GAREM1: variants seen among roughly 807,000 people sequenced by gnomAD.
GAREM1 encodes the protein GRB2-associated and regulator of MAPK protein 1.
Under a neutral mutation model 71.3 loss-of-function variants are expected in GAREM1, and 26 were observed. The ratio of observed to expected loss-of-function variants is 0.36; its 90% CI spans 0.27 to 0.51. GAREM1 has a LOEUF of 0.51. GAREM1 is among the 20% of genes least tolerant of loss of function. The probability of loss-of-function intolerance (pLI) is 0.95; values close to 1 mark genes in which losing one functional copy is unlikely to be tolerated. For synonymous variants in GAREM1, 440 were observed against 433.2 expected, an observed-to-expected ratio of 1.02 and a Z score of -0.20; for missense variants, 1,026 against 1,103.1, an observed-to-expected ratio of 0.93 and a Z score of 0.99.
chr18:32,411,033 C>T (rs2144683859), intron 1 of GAREM1, among the ~76,000 whole-genome samples: 1 of 152,288 alleles, frequency 6.6e-6, no homozygotes, highest in East Asian at 1.9e-4. Flanking sequence ...GAACTCCTGA[C>T]CTCAAGTGAT....
intron 2 of GAREM1, among the ~76,000 whole-genome samples, chr18:32,380,358 C>A (rs887049527): frequency 6.6e-6 from 1 of 151,678 alleles, no homozygotes; most frequent in Middle Eastern, 3.4e-3. Flanking sequence ...TGTCTGTAAT[C>A]CCAGCTACTT....
intron 3 of GAREM1, among the ~76,000 whole-genome samples, chr18:32,306,916 C>T (rs1173134675): frequency 6.6e-6 from 1 of 152,034 alleles, no homozygotes; most frequent in Non-Finnish European, 1.5e-5. Flanking sequence ...TCATTTCACG[C>T]AGTTAATCGA....
chr18:32,311,272 A>T (rs773929819), intron 2 of GAREM1, among the ~76,000 whole-genome samples: 11 of 152,226 alleles, frequency 7.2e-5, no homozygotes, highest in Admixed American at 4.6e-4. Context: ...ATAATACTCC[A>T]GAAACTTAAA....
At chr18:32,309,728 T>G in intron 3 of GAREM1, among the ~76,000 whole-genome samples, 1 of 150,648 alleles carries the variant, frequency 6.6e-6, no homozygotes, top group Non-Finnish European at 1.5e-5. Flanking sequence ...GTGAAATAGA[T>G]AGTCCACAAA....
chr18:32,298,496 A>C (rs900368684), intron 3 of GAREM1, among the ~76,000 whole-genome samples: 4 of 152,060 alleles, frequency 2.6e-5, no homozygotes, highest in African/African-American at 9.7e-5. Context: ...TCCTGAGAGG[A>C]AGTAATTCAA....
intron 1 of GAREM1, among the ~76,000 whole-genome samples, chr18:32,425,897 T>C (rs1424431760): frequency 6.6e-6 from 1 of 152,226 alleles, no homozygotes; most frequent in African/African-American, 2.4e-5. Context: ...TAAACTTTTC[T>C]TCAAATTAAA....
chr18:32,276,689 T>G (rs868407907), intron 4 of GAREM1, among the ~76,000 whole-genome samples: 2 of 152,132 alleles, frequency 1.3e-5, no homozygotes, highest in Non-Finnish European at 2.9e-5. Context: ...TGGGCTTAGA[T>G]GATGAAACAA....
intron 2 of GAREM1, among the ~76,000 whole-genome samples, chr18:32,316,448 CTACCT>C (rs1203585795): frequency 2.6e-5 from 4 of 152,096 alleles, no homozygotes; most frequent in Non-Finnish European, 5.9e-5. Flanking sequence ...AAACCAAATA[CTACCT>C]TACATTTCTT....
intron 2 of GAREM1, among the ~76,000 whole-genome samples, chr18:32,323,124 T>C (rs1025747092): frequency 6.6e-6 from 1 of 152,230 alleles, no homozygotes; most frequent in African/African-American, 2.4e-5. Flanking sequence ...GAAATTTTTA[T>C]GTAAATGTGT....
rs533768826 is a variant in GAREM1 at position 32,267,051 on chromosome 18, T to C, written c.*820A>G. 6.6e-6 allele frequency: 1 copy of C among 152,332 alleles called. No individual in the cohort carries two copies. Among genetic ancestry groups the C allele is most frequent in the South Asian group, 2.1e-4 (1 of 4,832 alleles). 9.4% of individuals were successfully genotyped at this position (152,332 alleles called of 1,614,324 possible). The stretch of plus-strand genomic sequence containing the variant: ...ATCTTTGGAGTCATTCTGTCCACTA[T>C]TCCTAAGAGAATCAATGTAGATAAC... On this transcript the variant is annotated 3_prime_UTR_variant, in exon 6 of 6. Transcript: ENST00000269209.
intron 1 of GAREM1, among the ~76,000 whole-genome samples, chr18:32,453,914 G>T (rs1242427396): frequency 2.6e-5 from 4 of 152,002 alleles, no homozygotes; most frequent in Non-Finnish European, 4.4e-5. Flanking sequence ...TGTTAGTGCT[G>T]GGGACACAAT....
intron 3 of GAREM1, among the ~76,000 whole-genome samples, chr18:32,298,199 G>C (rs1200880905): frequency 6.6e-6 from 1 of 152,136 alleles, no homozygotes; most frequent in African/African-American, 2.4e-5. Flanking sequence ...AGCACAATCT[G>C]TATCCCATGC....
At chr18:32,328,548 T>C (rs2047495126) in intron 2 of GAREM1, among the ~76,000 whole-genome samples, 1 of 152,226 alleles carries the variant, frequency 6.6e-6, no homozygotes. Flanking sequence ...AGGAGGCAGC[T>C]TCTTCCTCTA....
At chr18:32,442,980 C>T (rs1160791695) in intron 1 of GAREM1, among the ~76,000 whole-genome samples, 4 of 152,048 alleles carry the variant, frequency 2.6e-5, no homozygotes, top group South Asian at 2.1e-4. Flanking sequence ...AAGTGGATTC[C>T]ACCAAATGAC....
chr18:32,347,353 T>C (rs573077691), intron 2 of GAREM1, among the ~76,000 whole-genome samples: 18 of 151,916 alleles, frequency 1.2e-4, no homozygotes, highest in African/African-American at 4.1e-4. Flanking sequence ...TAATAAAAAT[T>C]ATAAATAAAA....
At chr18:32,308,220 A>G (rs1406815820) in intron 3 of GAREM1, among the ~76,000 whole-genome samples, 1 of 133,670 alleles carries the variant, frequency 7.5e-6, no homozygotes, top group Non-Finnish European at 1.7e-5. Flanking sequence ...GATATTCTCT[A>G]TTAAACACAT....
intron 1 of GAREM1, among the ~76,000 whole-genome samples, chr18:32,418,460 A>G (rs112433156): frequency 2.4e-4 from 37 of 152,280 alleles, no homozygotes; most frequent in African/African-American, 7.9e-4. Flanking sequence ...TGTTTGCTAC[A>G]TATGAAATGG....
intron 2 of GAREM1, among the ~76,000 whole-genome samples, chr18:32,379,799 G>C (rs1183912389): frequency 6.6e-6 from 1 of 151,936 alleles, no homozygotes; most frequent in Non-Finnish European, 1.5e-5. Flanking sequence ...GAGTTAGGGA[G>C]TCCCAAATCT....
intron 2 of GAREM1, among the ~76,000 whole-genome samples, chr18:32,347,182 G>T (rs935259519): frequency 2.6e-5 from 4 of 152,056 alleles, no homozygotes; most frequent in South Asian, 4.2e-4. Context: ...GAGAATAAAA[G>T]ATTAAAGTCT....
Sources: gnomAD v4.1 joint callset for allele counts (sites outside exome capture counted in the v4.1 genomes callset) on GRCh38, gnomAD v4.1.1 for gene constraint, MANE v1.5 for transcripts, NCBI Gene and HGNC (gene_info 2026-07-23, HGNC 2026-07-21) for gene names.